B4GALT5: variants seen among roughly 807,000 people sequenced by gnomAD.
B4GALT5 encodes UDP-Gal:beta-GlcNAc beta-1,4-galactosyltransferase 5.
Under a neutral mutation model 45.0 loss-of-function variants are expected in B4GALT5, and 11 were observed. The ratio of observed to expected loss-of-function variants is 0.24; its 90% CI spans 0.15 to 0.40. The LOEUF (loss-of-function observed/expected upper bound fraction) is 0.40, where lower values mean the gene tolerates loss of function less well. B4GALT5 is among the 10% of genes least tolerant of loss of function. The probability of loss-of-function intolerance (pLI) is 1.00; values close to 1 mark genes in which losing one functional copy is unlikely to be tolerated. For missense variants in B4GALT5, 337 were observed against 500.2 expected (o/e 0.67, Z 3.11); for synonymous variants, 185 against 182.9 (o/e 1.01, Z -0.09).
chr20:49,686,906 G>GA (rs1157216778), intron 1 of B4GALT5, among the ~76,000 whole-genome samples: 4 of 144,292 alleles, frequency 2.8e-5, no homozygotes, highest in African/African-American at 5.1e-5. Context: ...CTTTACCAAA[G>GA]AAAAAAAAAA....
At chr20:49,639,913 C>T in intron 6 of B4GALT5, 113 bp from the exon 7 acceptor site, 1 of 1,383,158 alleles carries the variant, frequency 7.2e-7, no homozygotes, top group Non-Finnish European at 9.8e-7. Context: ...TGACCTGAAC[C>T]ATATGAATGT....
chr20:49,665,183 C>A (rs1341930023), intron 1 of B4GALT5, among the ~76,000 whole-genome samples: 1 of 151,844 alleles, frequency 6.6e-6, no homozygotes, highest in Non-Finnish European at 1.5e-5. Context: ...TTTGGGAGGC[C>A]TAAGCAGGAG....
intron 2 of B4GALT5, among the ~76,000 whole-genome samples, chr20:49,652,053 T>C (rs1476227736): frequency 6.6e-6 from 1 of 152,156 alleles, no homozygotes; most frequent in Non-Finnish European, 1.5e-5. Flanking sequence ...CAGTCCAGCC[T>C]GGGTGACAGA....
At chr20:49,710,306 T>C (rs1473585538) in intron 1 of B4GALT5, among the ~76,000 whole-genome samples, 1 of 152,104 alleles carries the variant, frequency 6.6e-6, no homozygotes, top group East Asian at 1.9e-4. Flanking sequence ...TTTATTAAAG[T>C]GAACTACATG....
At chr20:49,677,704 T>C (rs1485262422) in intron 1 of B4GALT5, among the ~76,000 whole-genome samples, 1 of 152,150 alleles carries the variant, frequency 6.6e-6, no homozygotes, top group Non-Finnish European at 1.5e-5. Context: ...CAAAATTACA[T>C]CTGTATTTGG....
Position 49,713,511 on chromosome 20 carries a change from C to T in B4GALT5, c.115+65G>A, listed in dbSNP as rs2085929428. 7 of 1,493,048 alleles carry T rather than the reference C, an allele frequency of 4.7e-6. No individual in the cohort carries two copies. In the South Asian group the frequency reaches 8.4e-5, roughly 18 times the overall value. 92.5% of individuals were successfully genotyped at this position (1,493,048 alleles called of 1,614,324 possible). A position where few individuals can be genotyped will look rare whatever the true frequency, so the allele number is the denominator to read the frequency against. On this transcript the variant is annotated intron_variant, in intron 1 of 8. Transcript: ENST00000371711. ...CCGGCCGGGGCCCCTTAGGGAGGGG[C>T]GGGGATTCCCCGGGTCCCTCAAGGC...
At chr20:49,691,466 G>A (rs1302758222) in intron 1 of B4GALT5, among the ~76,000 whole-genome samples, 3 of 152,006 alleles carry the variant, frequency 2.0e-5, no homozygotes, top group African/African-American at 7.2e-5. Context: ...AGGCTGCAGT[G>A]AGCCATGATT....
At chr20:49,708,040 C>T (rs2085892145) in intron 1 of B4GALT5, among the ~76,000 whole-genome samples, 1 of 149,046 alleles carries the variant, frequency 6.7e-6, no homozygotes, top group Non-Finnish European at 1.5e-5. Flanking sequence ...GACCAGCCTG[C>T]CTGGCCAACA....
At chr20:49,663,107 A>T (rs1037131229) in intron 1 of B4GALT5, among the ~76,000 whole-genome samples, 1 of 152,270 alleles carries the variant, frequency 6.6e-6, no homozygotes, top group Non-Finnish European at 1.5e-5. Flanking sequence ...AGCCAGACAC[A>T]AAAGAACACA....
chr20:49,703,732 A>AAAAAAAAATAATAT (rs2085872694), intron 1 of B4GALT5, among the ~76,000 whole-genome samples: 1 of 150,998 alleles, frequency 6.6e-6, no homozygotes, highest in African/African-American at 2.4e-5. Context: ...CTACTAAAAA[A>AAAAAAAAATAATAT]AAAAAAAATA....
intron 1 of B4GALT5, among the ~76,000 whole-genome samples, chr20:49,662,615 C>T (rs912336219): frequency 6.6e-6 from 1 of 152,146 alleles, no homozygotes. Context: ...GAGAGGAACC[C>T]AAAATACTGT....
At chr20:49,668,424 C>T (rs1287027024) in intron 1 of B4GALT5, among the ~76,000 whole-genome samples, 1 of 151,990 alleles carries the variant, frequency 6.6e-6, no homozygotes, top group Non-Finnish European at 1.5e-5. Flanking sequence ...TTTGCTTCCC[C>T]CAAAATTCTT....
intron 1 of B4GALT5, among the ~76,000 whole-genome samples, chr20:49,660,108 C>G (rs1347269091): frequency 6.6e-6 from 1 of 152,148 alleles, no homozygotes; most frequent in African/African-American, 2.4e-5. Flanking sequence ...AACTTCACAT[C>G]TTCATCATCA....
In B4GALT5 at chr20:49,693,336, G is replaced by A. The variant is rs116271743; in HGVS notation, c.115+20240C>T. Among the ~76,000 whole-genome samples the A allele has an allele frequency of 3.2e-3, 489 of 152,274 alleles. 5 individuals are homozygous for A. Among genetic ancestry groups the A allele is most frequent in the African/African-American group, 0.011 (475 of 41,550 alleles). On this transcript the variant is annotated intron_variant, in intron 1 of 8. Transcript: ENST00000371711. ...GACTTTGCTAAGTTCTTCACTATCAGGTAGAAACTAATATCAATTCCAATG... is the reference window on the plus strand; with the variant it reads ...GACTTTGCTAAGTTCTTCACTATCAAGTAGAAACTAATATCAATTCCAATG...
At chr20:49,703,461 C>T (rs1038114701) in intron 1 of B4GALT5, among the ~76,000 whole-genome samples, 2 of 152,134 alleles carry the variant, frequency 1.3e-5, no homozygotes, top group African/African-American at 4.8e-5. Context: ...GTACATACAA[C>T]GTGCTGGGCA....
chr20:49,708,315 T>C (rs192777377), intron 1 of B4GALT5, among the ~76,000 whole-genome samples: 1 of 152,330 alleles, frequency 6.6e-6, no homozygotes, highest in Admixed American at 6.5e-5. Flanking sequence ...AAATGAATTA[T>C]CAACATTCTA....
intron 1 of B4GALT5, among the ~76,000 whole-genome samples, chr20:49,698,579 CA>C (rs969643677): frequency 1.3e-5 from 2 of 152,098 alleles, no homozygotes; most frequent in African/African-American, 4.8e-5. Context: ...ACACCAAAGC[CA>C]AAACATTGAA....
intron 1 of B4GALT5, among the ~76,000 whole-genome samples, chr20:49,690,470 A>G (rs980001406): frequency 1.1e-4 from 17 of 151,148 alleles, no homozygotes; most frequent in African/African-American, 3.9e-4. Context: ...AATCACTTGA[A>G]TCTGGGAGGC....
intron 1 of B4GALT5, among the ~76,000 whole-genome samples, chr20:49,676,731 T>C (rs142400723): frequency 1.2e-3 from 176 of 152,296 alleles, no homozygotes; most frequent in Non-Finnish European, 2.1e-3. Context: ...TGGAGAGAAG[T>C]TGGTGAACTG....
Sources: allele counts gnomAD v4.1 joint callset (sites outside exome capture counted in the v4.1 genomes callset), GRCh38; gene constraint gnomAD v4.1.1; transcripts MANE v1.5; gene names NCBI Gene and HGNC (gene_info 2026-07-23, HGNC 2026-07-21).